KCNMA1: variants seen among roughly 807,000 people sequenced by gnomAD.
The protein encoded by KCNMA1 is potassium calcium-activated channel subfamily M alpha 1.
A neutral mutation model predicts 140.0 loss-of-function variants in KCNMA1; 29 were observed. The ratio of observed to expected loss-of-function variants is 0.21; its 90% CI spans 0.15 to 0.28. The LOEUF (loss-of-function observed/expected upper bound fraction) is 0.28, where lower values mean the gene tolerates loss of function less well. Ranked by LOEUF, KCNMA1 falls within the 10% of genes least tolerant of loss-of-function variation. The probability of loss-of-function intolerance (pLI) is 1.00; values close to 1 mark genes in which losing one functional copy is unlikely to be tolerated. For missense variants in KCNMA1, 880 were observed against 1,602.2 expected (o/e 0.55, Z 7.70); for synonymous variants, 612 against 611.9 (o/e 1.00, Z 0.00).
intron 1 of KCNMA1, among the ~76,000 whole-genome samples, chr10:77,618,328 A>G (rs1259802461): frequency 6.6e-6 from 1 of 152,222 alleles, no homozygotes; most frequent in Non-Finnish European, 1.5e-5. Flanking sequence ...TGACTAATAC[A>G]CAGTTTATCA....
chr10:76,920,887 G>A (rs1477420003), intron 23 of KCNMA1, among the ~76,000 whole-genome samples: 1 of 152,170 alleles, frequency 6.6e-6, no homozygotes, highest in Non-Finnish European at 1.5e-5. Flanking sequence ...GGGACCCATT[G>A]TAGTTATGCT....
At chr10:77,286,777 G>T (rs556633849) in intron 2 of KCNMA1, among the ~76,000 whole-genome samples, 1,711 of 78,248 alleles carry the variant, frequency 0.022, 71 homozygotes, top group African/African-American at 0.073. Context: ...GGGGGGGGGG[G>T]GGGGGTTCCA....
At chr10:77,545,921 T>G (rs1347835538) in intron 1 of KCNMA1, among the ~76,000 whole-genome samples, 1 of 152,130 alleles carries the variant, frequency 6.6e-6, no homozygotes, top group East Asian at 1.9e-4. Context: ...GTCCTTGATG[T>G]CACCTCCCTG....
chr10:77,432,723 A>G (rs2097178104), intron 1 of KCNMA1, among the ~76,000 whole-genome samples: 1 of 152,236 alleles, frequency 6.6e-6, no homozygotes, highest in South Asian at 2.1e-4. Context: ...GAGCCATTTA[A>G]GGCTGGGACA....
chr10:77,040,971 C>T (rs974250104), intron 14 of KCNMA1, among the ~76,000 whole-genome samples: 3 of 152,166 alleles, frequency 2.0e-5, no homozygotes, highest in Non-Finnish European at 4.4e-5. Context: ...AAGGATTTCA[C>T]AATGTAGTGA....
chr10:77,239,017 C>T (rs905242713), intron 3 of KCNMA1, among the ~76,000 whole-genome samples: 3 of 152,180 alleles, frequency 2.0e-5, no homozygotes, highest in East Asian at 3.9e-4. Context: ...CAGACACAGC[C>T]GCCAAATGCA....
At chr10:77,482,376 G>A (rs1409007667) in intron 1 of KCNMA1, among the ~76,000 whole-genome samples, 1 of 152,244 alleles carries the variant, frequency 6.6e-6, no homozygotes, top group Non-Finnish European at 1.5e-5. Flanking sequence ...AGGAAAGAAG[G>A]GCTGTGGGGA....
chr10:77,062,566 G>A (rs185800617), intron 14 of KCNMA1, among the ~76,000 whole-genome samples: 51 of 152,184 alleles, frequency 3.4e-4, no homozygotes, highest in Admixed American at 1.1e-3. Flanking sequence ...ACTCAGTTGC[G>A]TCCCTTGGCT....
chr10:77,022,875 G>C (rs2093013854), intron 16 of KCNMA1: 1 of 442,806 alleles, frequency 2.3e-6, no homozygotes, highest in African/African-American at 2.0e-5. Context: ...CAATGATCTA[G>C]CAATCTCTCA....
intron 2 of KCNMA1, among the ~76,000 whole-genome samples, chr10:77,285,374 CT>C (rs1026032108): frequency 1.3e-5 from 2 of 151,812 alleles, no homozygotes; most frequent in African/African-American, 2.4e-5. Flanking sequence ...AATCCAAAAG[CT>C]TTGGCAATCC....
intron 2 of KCNMA1, among the ~76,000 whole-genome samples, chr10:77,381,725 A>G (rs80139283): frequency 1.2e-3 from 183 of 152,244 alleles, no homozygotes; most frequent in African/African-American, 4.0e-3. Context: ...GCAACCACAA[A>G]TTCCCTTGTT....
intron 6 of KCNMA1, among the ~76,000 whole-genome samples, chr10:77,117,631 G>A (rs1380714889): frequency 4.0e-5 from 6 of 150,692 alleles, no homozygotes; most frequent in Non-Finnish European, 8.8e-5. Context: ...AAAAATTGCT[G>A]AGTGATCCAT....
At chr10:77,610,009 C>T (rs2086204409) in intron 1 of KCNMA1, among the ~76,000 whole-genome samples, 2 of 152,228 alleles carry the variant, frequency 1.3e-5, no homozygotes, top group African/African-American at 4.8e-5. Context: ...CAGTCACCCA[C>T]CATCCCCAAT....
At chr10:77,419,767 T>A (rs1345470860) in intron 1 of KCNMA1, among the ~76,000 whole-genome samples, 1 of 152,202 alleles carries the variant, frequency 6.6e-6, no homozygotes, top group Non-Finnish European at 1.5e-5. Flanking sequence ...TTATTAAGTA[T>A]CTTCTGGCAC....
At chr10:77,124,994 A>G (rs2097702231) in intron 5 of KCNMA1, among the ~76,000 whole-genome samples, 1 of 152,180 alleles carries the variant, frequency 6.6e-6, no homozygotes, top group Admixed American at 6.5e-5. Context: ...AGAAGTGTTG[A>G]GCATAAGAGG....
At chr10:77,117,028 C>T (rs754335370) in intron 6 of KCNMA1, among the ~76,000 whole-genome samples, 13 of 152,160 alleles carry the variant, frequency 8.5e-5, no homozygotes, top group Non-Finnish European at 1.6e-4. Context: ...GGAGCCATTT[C>T]TAAGTTCATG....
chr10:77,598,401 G>A (rs1296483932), intron 1 of KCNMA1, among the ~76,000 whole-genome samples: 1 of 152,182 alleles, frequency 6.6e-6, no homozygotes, highest in African/African-American at 2.4e-5. Flanking sequence ...CTGAATGAAT[G>A]GAAAACCTGT....
intron 13 of KCNMA1, among the ~76,000 whole-genome samples, chr10:77,077,588 A>T (rs2096438962): frequency 6.6e-6 from 1 of 152,234 alleles, no homozygotes; most frequent in African/African-American, 2.4e-5. Flanking sequence ...AGAGAAAAAA[A>T]AGGAACTGAC....
chr10:77,054,775 T>G (rs577668564), intron 14 of KCNMA1, among the ~76,000 whole-genome samples: 1 of 152,340 alleles, frequency 6.6e-6, no homozygotes, highest in South Asian at 2.1e-4. Context: ...TTCTTCAAGA[T>G]GGCAGATGGC....
Sources: allele counts gnomAD v4.1 joint callset (sites outside exome capture counted in the v4.1 genomes callset), GRCh38; gene constraint gnomAD v4.1.1; transcripts MANE v1.5; gene names NCBI Gene and HGNC (gene_info 2026-07-23, HGNC 2026-07-21).